The following SLX4 variants were observed in gnomAD, a reference collection of about 807,000 sequenced individuals.
The protein encoded by SLX4 is SLX4 structure-specific endonuclease subunit, also known as structure-specific endonuclease subunit SLX4.
Under a neutral mutation model 146.2 loss-of-function variants are expected in SLX4, and 112 were observed. The observed-to-expected ratio is 0.77, with a 90% CI of 0.66 to 0.90. SLX4 has a LOEUF of 0.90. SLX4 is among the 40% of genes least tolerant of loss of function. The pLI, the probability that SLX4 is intolerant of heterozygous loss-of-function variation, is 0.00. For missense variants in SLX4, 2,563 were observed against 2,392.7 expected, an observed-to-expected ratio of 1.07 and a Z score of -1.49; for synonymous variants, 1,061 against 997.7, an observed-to-expected ratio of 1.06 and a Z score of -1.20.
intron 9 of SLX4, among the ~76,000 whole-genome samples, chr16:3,595,208 G>T (rs1380141396): frequency 6.6e-6 from 1 of 152,216 alleles, no homozygotes; most frequent in Non-Finnish European, 1.5e-5. Context: ...CCGCACAGAG[G>T]GGAGGGAGAG....
Position 3,606,605 on chromosome 16 carries a change from A to C in SLX4, c.629T>G (p.Leu210Arg), listed in dbSNP as rs957576825. Reference protein sequence around the residue: ...PSKPRTAQLVLQRMQQFKRAD... With the variant: ...PSKPRTAQLVRQRMQQFKRAD... ...TCTCTTGAACTGCTGCATTCGCTGT[A>C]GGACCAATTGTGCTGTGCGGGGTTT... The change falls in exon 3 of 15, where the codon CTA (leucine) becomes CGA (arginine). Residue 210 changes from leucine (L) to arginine (R), a missense_variant. Transcript: ENST00000294008. The C allele has an allele frequency of 1.2e-6, 2 of 1,614,110 alleles. No individual in the cohort carries two copies. Among genetic ancestry groups the C allele is most frequent in the African/African-American group, 2.7e-5 (2 of 74,936 alleles).
rs150460384 is a variant in SLX4 at position 3,584,850 on chromosome 16, T to A, written c.4658A>T (p.Asn1553Ile). 113 of 1,613,690 alleles carry A rather than the reference T, an allele frequency of 7.0e-5. No homozygotes were observed. The African/African-American group carries it at 1.4e-3, about 20-fold the overall frequency. ...ETPKGANRKK[N>I]LPPKVPITPM... ...CGTTATGGGCACTTTGGGGGGCAAG[T>A]TCTTCTTCCGATTAGCACCTTCTGG... Residue 1553 changes from asparagine to isoleucine, a missense_variant, in exon 13 of 15, where the codon AAC becomes ATC. Coordinates refer to ENST00000294008, the MANE Select transcript of SLX4 (RefSeq NM_032444.4).
At chr16:3,604,415 C>T (rs976349580) in intron 3 of SLX4, among the ~76,000 whole-genome samples, 3 of 151,964 alleles carry the variant, frequency 2.0e-5, no homozygotes, top group Non-Finnish European at 4.4e-5. Context: ...TTGAACTGGA[C>T]GCCAGGCACT....
chr16:3,609,967 CAGAAAG>C (rs2151141006), intron 1 of SLX4, among the ~76,000 whole-genome samples: 1 of 152,318 alleles, frequency 6.6e-6, no homozygotes, highest in East Asian at 1.9e-4. Flanking sequence ...ACATAAGAGA[CAGAAAG>C]AGACATTATA....
Position 3,590,298 on chromosome 16 carries a change from C to G in SLX4, c.3340G>C (p.Val1114Leu), listed in dbSNP as rs2151123782. ...GGAGATTTTTCTGGGAACATCAGGA[C>G]CCCCTTATTTCTGCACTCCAGCACG... ...RSVLECRNKG[V>L]LMFPEKSPSI... is the part of the protein sequence containing the mutation. The change falls in exon 12 of 15, where the codon GTC becomes CTC. Residue 1114 changes from valine to leucine, a missense_variant. Transcript: ENST00000294008. The surrounding 1 kb of genome is among the most constrained non-coding windows in gnomAD (Gnocchi z 4.8). 1 of 1,613,996 alleles carries G rather than the reference C, an allele frequency of 6.2e-7. No homozygotes were observed. Among genetic ancestry groups the G allele is most frequent in the Middle Eastern group, 1.7e-4 (1 of 6,060 alleles).
Position 3,590,342 on chromosome 16 carries a change from T to C in SLX4, c.3296A>G (p.Lys1099Arg). 1 of 1,614,190 alleles carries C rather than the reference T, an allele frequency of 6.2e-7. No homozygotes were observed. The highest frequency in any genetic ancestry group is 8.5e-7 in the Non-Finnish European group (1 of 1,180,030). ...CAGCACGGACCGACGCTCTTTGCCT[T>C]TCTGGTGCCCTGGCTCTTTAGACAG... ...LTLSKEPGHQ[K>R]GKERRSVLEC... Residue 1099 changes from lysine to arginine, a missense_variant, in exon 12 of 15, where the codon AAA becomes AGA. By Grantham distance (26) the Lys-to-Arg change is conservative (BLOSUM62 2). Transcript: ENST00000294008. This position sits in a 1 kb window ranked among gnomAD's most constrained non-coding sequence, Gnocchi z 4.8.
Position 3,609,146 on chromosome 16 carries a change from G to A in SLX4, c.-182C>T. On this transcript the variant is annotated 5_prime_UTR_variant, in exon 2 of 15. Coordinates refer to ENST00000294008, the MANE Select transcript of SLX4 (RefSeq NM_032444.4). The stretch of plus-strand genomic sequence containing the variant: ...GGGCCGGGCGCGGTGGCTCACACTT[G>A]TAATCCCAGCTCTTTTGGAGGACGA... 2 of 654,180 alleles carry A rather than the reference G, an allele frequency of 3.1e-6. No homozygotes were observed. Among genetic ancestry groups the A allele is most frequent in the Non-Finnish European group, 5.1e-6 (2 of 389,270 alleles). 40.5% of individuals were successfully genotyped at this position (654,180 alleles called of 1,614,324 possible). A position where few individuals can be genotyped will look rare whatever the true frequency, so the allele number is the denominator to read the frequency against.
chr16:3,586,794 G>A (rs113846143), intron 12 of SLX4, among the ~76,000 whole-genome samples: 306 of 151,430 alleles, frequency 2.0e-3, no homozygotes, highest in African/African-American at 6.9e-3. Flanking sequence ...CTCTAGCCTG[G>A]GCAACAGAGA....
Position 3,590,124 on chromosome 16 carries a change from A to T in SLX4, c.3514T>A (p.Ser1172Thr), listed in dbSNP as rs1303563479. 1 of 1,614,112 alleles carries T rather than the reference A, an allele frequency of 6.2e-7. No homozygotes were observed. The highest frequency in any genetic ancestry group is 8.5e-7 in the Non-Finnish European group (1 of 1,180,028). ...ELEQTKMKSI[S>T]SDPLEEKKAL... is the part of the protein sequence containing the mutation. ...TTCTTTTCTTCCAGAGGATCACTAG[A>T]AATGGACTTCATTTTGGTTTGTTCT... Residue 1172 changes from serine to threonine, a missense_variant, in exon 12 of 15, where the codon TCT becomes ACT. Physicochemically the swap from Ser to Thr is moderately conservative, Grantham distance 58. Coordinates refer to ENST00000294008, the MANE Select transcript of SLX4 (RefSeq NM_032444.4). The surrounding 1 kb of genome is among the most constrained non-coding windows in gnomAD (Gnocchi z 4.8).
At chr16:3,592,612 C>A (rs2151127001) in intron 11 of SLX4, 87 bp downstream of exon 11, 6 of 1,472,132 alleles carry the variant, frequency 4.1e-6, no homozygotes, top group Non-Finnish European at 5.6e-6. Context: ...TGGCCTCAGC[C>A]CCGAGCCCTC....
At chr16:3,584,249 C>T (rs1016030212) in intron 13 of SLX4, among the ~76,000 whole-genome samples, 3 of 152,082 alleles carry the variant, frequency 2.0e-5, no homozygotes, top group South Asian at 2.1e-4. Flanking sequence ...GGTGAAACCC[C>T]GTCTCTACTA....
chr16:3,600,813 A>G, intron 5 of SLX4, 166 bp downstream of exon 5: 1 of 674,178 alleles, frequency 1.5e-6, no homozygotes. Context: ...CCAGGCTGGT[A>G]TCGAACTCCT....
chr16:3,611,297 G>A (rs1321359501), intron 1 of SLX4, among the ~76,000 whole-genome samples: 2 of 152,192 alleles, frequency 1.3e-5, no homozygotes, highest in African/African-American at 4.8e-5. Flanking sequence ...GGAGAACCCC[G>A]ATCCCCGGAC....
intron 3 of SLX4, among the ~76,000 whole-genome samples, chr16:3,604,235 A>AG (rs2040759449): frequency 1.3e-5 from 2 of 151,180 alleles, no homozygotes; most frequent in Non-Finnish European, 2.9e-5. Flanking sequence ...AAAAAAAAAA[A>AG]GTCAGTGTCA....
At chr16:3,603,614 T>C (rs1362329999) in intron 3 of SLX4, among the ~76,000 whole-genome samples, 1 of 152,254 alleles carries the variant, frequency 6.6e-6, no homozygotes, top group East Asian at 1.9e-4. Context: ...TGCATACTTA[T>C]TAGCTGTAGG....
rs2151137827 is a variant in SLX4 at position 3,606,542 on chromosome 16, C to T, written c.692G>A (p.Cys231Tyr). 6.2e-7 allele frequency: 1 copy of T among 1,614,194 alleles called. No homozygotes were observed. Among genetic ancestry groups the T allele is most frequent in the Non-Finnish European group, 8.5e-7 (1 of 1,180,046 alleles). Residue 231 changes from cysteine (C) to tyrosine (Y), a missense_variant, in exon 3 of 15, where the codon TGC becomes TAC. Transcript: ENST00000294008. ...PERLRHASEECSLEAAREENV... is the reference protein window; with the variant it reads ...PERLRHASEEYSLEAAREENV... ...TTCTTCCCGCGCAGCCTCGAGGGAG[C>T]ACTCTTCTGAAGCGTGTCTCAAACG...
intron 13 of SLX4, 42 bp from the exon 14 acceptor site, chr16:3,583,552 C>A (rs1166265077): frequency 6.2e-7 from 1 of 1,607,542 alleles, no homozygotes; most frequent in Non-Finnish European, 8.5e-7. Context: ...ACCCACACAG[C>A]TGGTCCACAC....
rs2151125290 is a variant in SLX4, at chr16:3,590,910, C to G, written c.2728G>C (p.Glu910Gln). Residue 910 changes from glutamate to glutamine, a missense_variant, in exon 12 of 15, where the codon GAG (glutamate) becomes CAG (glutamine). Transcript: ENST00000294008. This position sits in a 1 kb window ranked among gnomAD's most constrained non-coding sequence, Gnocchi z 4.8. ...WDKVEEMEPL[E>Q]PGRDEAATTW... Reference sequence around the variant, plus strand: ...GTGGCGGCCTCATCTCTTCCTGGCTCCAACGGCTCCATCTCCTCCACCTTG... The same window carrying G: ...GTGGCGGCCTCATCTCTTCCTGGCTGCAACGGCTCCATCTCCTCCACCTTG... 1.9e-6 allele frequency: 3 copies of G among 1,614,138 alleles called. No individual in the cohort carries two copies. Among genetic ancestry groups the G allele is most frequent in the Non-Finnish European group, 2.5e-6 (3 of 1,180,026 alleles).
rs1200452861 is a variant in SLX4, at chr16:3,588,852, A to G, written c.4636+150T>C. 3 of 955,306 alleles carry G rather than the reference A, an allele frequency of 3.1e-6. No individual in the cohort carries two copies. The African/African-American group carries it at 4.8e-5, about 15-fold the overall frequency. The allele number at this position is 955,306 out of a possible 1,614,324, so 59.2% of individuals were successfully genotyped here. On this transcript the variant is annotated intron_variant, in intron 12 of 14. Coordinates refer to ENST00000294008, the MANE Select transcript of SLX4 (RefSeq NM_032444.4). ...CCAGCCCGGCTCTCCTCCACTGTGG[A>G]GGGGAGTCTGGAAGGCAGCGGAAGT...
Sources: gnomAD v4.1 joint callset for allele counts (sites outside exome capture counted in the v4.1 genomes callset) on GRCh38, gnomAD v4.1.1 for gene constraint, Gnocchi (gnomAD v3.1) non-coding constraint, MANE v1.5 for transcripts, NCBI Gene and HGNC (gene_info 2026-07-23, HGNC 2026-07-21) for gene names.